HTR4: variants seen among roughly 807,000 people sequenced by gnomAD.
HTR4 encodes 5-hydroxytryptamine receptor 4.
HTR4 carries 16 observed loss-of-function variants against 36.8 expected under a neutral mutation model. The ratio of observed to expected loss-of-function variants is 0.43; its 90% CI spans 0.29 to 0.66. HTR4 has a LOEUF of 0.66. Ranked by LOEUF, HTR4 falls within the 30% of genes least tolerant of loss-of-function variation. The pLI, the probability that HTR4 is intolerant of heterozygous loss-of-function variation, is 0.13. For missense variants in HTR4, 438 were observed against 490.9 expected, an observed-to-expected ratio of 0.89 and a Z score of 1.02; for synonymous variants, 189 against 185.1, an observed-to-expected ratio of 1.02 and a Z score of -0.17.
chr5:148,504,028 C>T (rs925224529), intron 6 of HTR4, among the ~76,000 whole-genome samples: 2 of 152,144 alleles, frequency 1.3e-5, no homozygotes, highest in East Asian at 1.9e-4. Flanking sequence ...GACTTAGATT[C>T]CCACACAATA....
chr5:148,562,150 C>A, intron 2 of HTR4, among the ~76,000 whole-genome samples: 1 of 152,232 alleles, frequency 6.6e-6, no homozygotes, highest in East Asian at 1.9e-4. Flanking sequence ...TAGTGGAACA[C>A]AGCCACACTC....
At chr5:148,493,471 G>A (rs1756549599) in intron 6 of HTR4, among the ~76,000 whole-genome samples, 1 of 152,120 alleles carries the variant, frequency 6.6e-6, no homozygotes, top group Non-Finnish European at 1.5e-5. Context: ...CAAGTTAAAT[G>A]CTCTTTTATT....
At chr5:148,476,829 A>G (rs7715901), downstream of HTR4, 646,988 of 1,597,868 alleles carry the variant, frequency 0.4, 134,392 homozygotes, top group Admixed American at 0.61. Flanking sequence ...AACAAATAAA[A>G]TGTTTGGGGA....
At chr5:148,546,613 A>G (rs541391636) in intron 4 of HTR4, among the ~76,000 whole-genome samples, 169 of 152,260 alleles carry the variant, frequency 1.1e-3, no homozygotes, top group African/African-American at 4.0e-3. Flanking sequence ...TCCACAATGG[A>G]CAGTTGATTC....
chr5:148,464,874 C>T (rs1430808395), intron 5 of HTR4, among the ~76,000 whole-genome samples: 5 of 152,122 alleles, frequency 3.3e-5, no homozygotes, highest in Non-Finnish European at 7.4e-5. Context: ...CTTCTGACAA[C>T]GGAATATTAT....
chr5:148,484,265 G>C, intron 6 of HTR4: 2 of 1,613,090 alleles, frequency 1.2e-6, no homozygotes, highest in Non-Finnish European at 1.7e-6. Flanking sequence ...GTTACCCCAA[G>C]ACAGGCTTCC....
intron 6 of HTR4, among the ~76,000 whole-genome samples, chr5:148,504,931 AAGACTAAACC>A (rs1336850021): frequency 6.6e-6 from 1 of 152,222 alleles, no homozygotes. Flanking sequence ...ACACCCTCCC[AAGACTAAACC>A]AGGAAGAAGT....
At chr5:148,564,208 A>T (rs1760337016) in intron 2 of HTR4, among the ~76,000 whole-genome samples, 1 of 151,964 alleles carries the variant, frequency 6.6e-6, no homozygotes, top group African/African-American at 2.4e-5. Context: ...CCAAATTCTC[A>T]CTCAGTGAGA....
chr5:148,478,157 T>C (rs1336158036), downstream of HTR4, among the ~76,000 whole-genome samples: 1 of 152,198 alleles, frequency 6.6e-6, no homozygotes, highest in African/African-American at 2.4e-5. Context: ...AATCTCTTTT[T>C]CTCTGAATGC....
intron 5 of HTR4, among the ~76,000 whole-genome samples, chr5:148,467,997 A>G (rs1165655419): frequency 6.6e-6 from 1 of 152,182 alleles, no homozygotes; most frequent in Non-Finnish European, 1.5e-5. Flanking sequence ...GGCACAGCCT[A>G]TTCTAGAAGG....
At chr5:148,481,436 T>C (rs567331648), downstream of HTR4, 5 of 825,944 alleles carry the variant, frequency 6.1e-6, no homozygotes, top group Non-Finnish European at 9.5e-6. Context: ...GAGATATTTC[T>C]CACGAATTCT....
rs1757410366 is a variant in HTR4 at position 148,509,825 on chromosome 5, G to C, written c.707C>G (p.Ser236Cys). ...GTCTGCCGACTGAGGCCTGCTCTCG[G>C]AGGAGGCTCCTGCCCGTTGTAACAT... is the stretch of plus-strand genomic sequence containing the variant. ...IQMLQRAGAS[S>C]ESRPQSADQH... Residue 236 changes from serine (S) to cysteine (C), a missense_variant, in exon 6 of 7, where the codon TCC becomes TGC. Ser to Cys is a moderately radical substitution (Grantham distance 112, BLOSUM62 -1). Transcript: ENST00000377888. 1 of 1,614,022 alleles carries C rather than the reference G, an allele frequency of 6.2e-7. No individual in the cohort carries two copies. Among genetic ancestry groups the C allele is most frequent in the Non-Finnish European group, 8.5e-7 (1 of 1,180,008 alleles).
intron 2 of HTR4, among the ~76,000 whole-genome samples, chr5:148,601,810 A>G (rs1272361356): frequency 1.2e-4 from 18 of 152,278 alleles, no homozygotes; most frequent in African/African-American, 2.4e-5. Context: ...CAATAAATAA[A>G]TAAATAGGAA....
chr5:148,559,732 C>T (rs1224511921), intron 2 of HTR4, among the ~76,000 whole-genome samples: 1 of 151,996 alleles, frequency 6.6e-6, no homozygotes, highest in African/African-American at 2.4e-5. Context: ...TACCTGCTTC[C>T]AACTCAAGAC....
At chr5:148,647,239 G>T (rs1269949538) in intron 1 of HTR4, among the ~76,000 whole-genome samples, 1 of 152,164 alleles carries the variant, frequency 6.6e-6, no homozygotes, top group African/African-American at 2.4e-5. Context: ...TTCTCAGTCT[G>T]TCATTTTCAT....
At position 148,481,701 on chromosome 5, in the gene HTR4, T is replaced by A. The variant is rs1369958107; in HGVS notation, c.*1502A>T. 2.7e-6 allele frequency: 4 copies of A among 1,463,378 alleles called. No individual in the cohort carries two copies. In the East Asian group the frequency reaches 9.9e-5, roughly 36 times the overall value. 90.6% of individuals were successfully genotyped at this position (1,463,378 alleles called of 1,614,324 possible). On this transcript the variant is annotated 3_prime_UTR_variant, in exon 7 of 7. Coordinates refer to ENST00000377888, the MANE Select transcript of HTR4 (RefSeq NM_000870.7). ...TAAGAAAAAAAGAGAATATGATAAATAATCCTGAGATGCTATTAAACCACA... is the reference window on the plus strand; with the variant it reads ...TAAGAAAAAAAGAGAATATGATAAAAAATCCTGAGATGCTATTAAACCACA...
intron 6 of HTR4, chr5:148,490,539 A>G: frequency 9.0e-7 from 1 of 1,116,032 alleles, no homozygotes; most frequent in Non-Finnish European, 1.1e-6. Context: ...GATGCTTATG[A>G]TTTTGTAACT....
intron 2 of HTR4, among the ~76,000 whole-genome samples, chr5:148,591,732 A>C (rs1393096004): frequency 6.6e-6 from 1 of 152,238 alleles, no homozygotes; most frequent in African/African-American, 2.4e-5. Context: ...GAGAAATGCA[A>C]ATCAAAACCA....
chr5:148,556,018 G>A (rs200426304), intron 2 of HTR4, among the ~76,000 whole-genome samples: 3 of 151,408 alleles, frequency 2.0e-5, no homozygotes, highest in African/African-American at 7.3e-5. Context: ...AACATTTTTT[G>A]TTGTTATTTA....
Sources: gnomAD v4.1 joint callset for allele counts (sites outside exome capture counted in the v4.1 genomes callset) on GRCh38, gnomAD v4.1.1 for gene constraint, MANE v1.5 for transcripts, NCBI Gene and HGNC (gene_info 2026-07-23, HGNC 2026-07-21) for gene names.